The following MEF2C variants were observed in gnomAD, a reference collection of about 807,000 sequenced individuals.
The protein encoded by MEF2C is myocyte enhancer factor 2C.
A neutral mutation model predicts 50.5 loss-of-function variants in MEF2C; 6 were observed. The observed-to-expected ratio is 0.12, with a 90% CI of 0.07 to 0.23. The LOEUF (loss-of-function observed/expected upper bound fraction) is 0.23. MEF2C is among the 10% of genes least tolerant of loss of function. MEF2C has a pLI of 1.00. For synonymous variants in MEF2C, 183 were observed against 228.0 expected (o/e 0.80, Z 1.78); for missense variants, 276 against 605.0 (o/e 0.46, Z 5.70).
intron 1 of MEF2C, among the ~76,000 whole-genome samples, chr5:88,881,479 T>C (rs1422838306): frequency 6.6e-6 from 1 of 152,188 alleles, no homozygotes; most frequent in Admixed American, 6.5e-5. Flanking sequence ...ATGCTGAATG[T>C]TTTTAAAGAC....
intron 2 of MEF2C, among the ~76,000 whole-genome samples, chr5:88,813,609 G>C (rs1803893130): frequency 6.6e-6 from 1 of 152,022 alleles, no homozygotes; most frequent in Admixed American, 6.6e-5. Flanking sequence ...AATAATAATT[G>C]AGGCCCAACT....
chr5:88,737,885 T>C (rs895729156), intron 6 of MEF2C: 8 of 985,188 alleles, frequency 8.1e-6, no homozygotes, highest in African/African-American at 1.7e-5. Context: ...AATGAGTGCC[T>C]AAGATAGCTT....
At chr5:88,771,240 C>T (rs754539927) in intron 3 of MEF2C, among the ~76,000 whole-genome samples, 10 of 152,326 alleles carry the variant, frequency 6.6e-5, no homozygotes, top group East Asian at 3.9e-4. Flanking sequence ...CAAACTATAT[C>T]GCTGGGTTTT....
intron 1 of MEF2C, among the ~76,000 whole-genome samples, chr5:88,830,595 G>T (rs976255873): frequency 6.6e-6 from 1 of 151,966 alleles, no homozygotes; most frequent in Non-Finnish European, 1.5e-5. Context: ...CTATTCCCAT[G>T]CCAAAATAAA....
At chr5:88,792,261 C>T (rs1794126622) in intron 3 of MEF2C, among the ~76,000 whole-genome samples, 1 of 152,020 alleles carries the variant, frequency 6.6e-6, no homozygotes, top group African/African-American at 2.4e-5. Context: ...GTATACTTCA[C>T]CCAGCTCACA....
At chr5:88,831,657 T>TA (rs1229735120) in intron 1 of MEF2C, among the ~76,000 whole-genome samples, 1 of 152,056 alleles carries the variant, frequency 6.6e-6, no homozygotes, top group East Asian at 1.9e-4. Context: ...ACAGAAACTT[T>TA]ACATGCTCAA....
chr5:88,812,937 T>C (rs1006372182), intron 2 of MEF2C, among the ~76,000 whole-genome samples: 17 of 152,288 alleles, frequency 1.1e-4, no homozygotes, highest in African/African-American at 4.1e-4. Context: ...ATTTGTAATG[T>C]TACATTAAGA....
chr5:88,739,916 A>C, intron 6 of MEF2C: 1 of 985,314 alleles, frequency 1.0e-6, no homozygotes, highest in Non-Finnish European at 1.2e-6. Context: ...GGATTCTTAC[A>C]CACAAAATAA....
At chr5:88,765,694 T>G (rs1779743302) in intron 3 of MEF2C, among the ~76,000 whole-genome samples, 1 of 152,236 alleles carries the variant, frequency 6.6e-6, no homozygotes, top group Non-Finnish European at 1.5e-5. Flanking sequence ...GTACTTCAAT[T>G]GTCATTCTTT....
At chr5:88,848,209 A>G (rs244754) in intron 1 of MEF2C, among the ~76,000 whole-genome samples, 63,427 of 152,034 alleles carry the variant, frequency 0.42, 15,028 homozygotes, top group African/African-American at 0.64. Context: ...GCAGAAAGAC[A>G]TTGTGGAGAG....
chr5:88,749,603 A>C (rs1262217753), intron 5 of MEF2C: 1 of 621,452 alleles, frequency 1.6e-6, no homozygotes, highest in Non-Finnish European at 2.0e-6. Context: ...GACACAATAT[A>C]ACAAATTTTT....
intron 3 of MEF2C, chr5:88,785,517 CAT>C: frequency 6.6e-6 from 1 of 152,188 alleles, no homozygotes; most frequent in South Asian, 2.1e-4. Flanking sequence ...AAGAGAATTT[CAT>C]GTCTCAGGGA....
At chr5:88,726,628 T>TA (rs1758914287) in intron 10 of MEF2C, among the ~76,000 whole-genome samples, 1 of 152,058 alleles carries the variant, frequency 6.6e-6, no homozygotes, top group Non-Finnish European at 1.5e-5. Context: ...CAGAGAAAAC[T>TA]AAGAGTCAAA....
intron 1 of MEF2C, among the ~76,000 whole-genome samples, chr5:88,841,389 A>G (rs968214969): frequency 3.3e-5 from 5 of 151,946 alleles, no homozygotes; most frequent in Admixed American, 2.6e-4. Context: ...TGCCTGGAGT[A>G]CCAGCTACTC....
intron 1 of MEF2C, among the ~76,000 whole-genome samples, chr5:88,829,697 A>C (rs1041974816): frequency 6.6e-6 from 1 of 152,064 alleles, no homozygotes; most frequent in African/African-American, 2.4e-5. Context: ...GTGGAATTAG[A>C]ATAATTGATA....
At position 88,720,582 on chromosome 5, in the gene MEF2C, T is replaced by C. The variant is rs150900017; in HGVS notation, c.*2022A>G. 6.5e-6 allele frequency: 1 copy of C among 152,782 alleles called. No individual in the cohort carries two copies. The highest frequency in any genetic ancestry group is 1.5e-5 in the Non-Finnish European group (1 of 68,018). The allele number at this position is 152,782 out of a possible 1,614,324, so 9.5% of individuals were successfully genotyped here. ...ATGTCCTACACATGATATAGCAGTG[T>C]TGATATTACTGCCTATATCTTCTTT... On this transcript the variant is annotated 3_prime_UTR_variant, in exon 11 of 11. Coordinates refer to ENST00000504921, the MANE Select transcript of MEF2C (RefSeq NM_002397.5).
intron 1 of MEF2C, chr5:88,843,251 C>G: frequency 1.0e-4 from 55 of 541,772 alleles, no homozygotes; most frequent in Non-Finnish European, 1.2e-4. Context: ...AAAAGCATTT[C>G]TATTTCTATT....
chr5:88,724,001 G>A (rs752914921), intron 10 of MEF2C, among the ~76,000 whole-genome samples: 2 of 152,104 alleles, frequency 1.3e-5, no homozygotes, highest in Non-Finnish European at 2.9e-5. Flanking sequence ...GGCATTGCTC[G>A]CATCAATTTT....
chr5:88,865,577 T>C (rs1400583932), intron 1 of MEF2C, among the ~76,000 whole-genome samples: 1 of 152,166 alleles, frequency 6.6e-6, no homozygotes, highest in East Asian at 1.9e-4. Context: ...TATTTACAAC[T>C]CAAATGGATA....
Sources: allele counts gnomAD v4.1 joint callset (sites outside exome capture counted in the v4.1 genomes callset), GRCh38; gene constraint gnomAD v4.1.1; transcripts MANE v1.5; gene names NCBI Gene and HGNC (gene_info 2026-07-23, HGNC 2026-07-21).